The following AKAP9 variants were observed in gnomAD, a reference collection of about 807,000 sequenced individuals.
AKAP9 encodes A-kinase anchor protein 9.
Under a neutral mutation model 488.5 loss-of-function variants are expected in AKAP9, and 311 were observed. That is an observed-to-expected ratio of 0.64 (90% confidence interval 0.58 to 0.70). The LOEUF is 0.70. AKAP9 is among the 30% of genes least tolerant of loss of function. The pLI is 0.00. For missense variants in AKAP9, 4,215 were observed against 4,374.5 expected, an observed-to-expected ratio of 0.96 and a Z score of 1.03; for synonymous variants, 1,462 against 1,483.5, an observed-to-expected ratio of 0.99 and a Z score of 0.33.
chr7:92,099,094 A>C (rs1817115820), intron 43 of AKAP9, among the ~76,000 whole-genome samples: 1 of 152,184 alleles, frequency 6.6e-6, no homozygotes, highest in Non-Finnish European at 1.5e-5. Context: ...CCCAGTTTAG[A>C]AAGCTGAAAG....
rs115182566 is a variant in AKAP9, at chr7:92,075,579, G to T, written c.6613-1276G>T. On this transcript the variant is annotated intron_variant, in intron 28 of 49. Coordinates refer to ENST00000356239, the MANE Select transcript of AKAP9 (RefSeq NM_005751.5). The stretch of plus-strand genomic sequence containing the variant: ...GAAGATTCAGAGATAAACTCCTCAG[G>T]TTCAAAAGCTGGCTTCTCCACATAC... Among the ~76,000 whole-genome samples the T allele has an allele frequency of 9.7e-3, 1,482 of 152,266 alleles. 33 individuals are homozygous for T. The highest frequency in any genetic ancestry group is 0.034 in the African/African-American group (1,412 of 41,554).
At chr7:92,055,220 A>T (rs1417183305) in intron 22 of AKAP9, among the ~76,000 whole-genome samples, 3 of 152,074 alleles carry the variant, frequency 2.0e-5, no homozygotes, top group African/African-American at 7.2e-5. Context: ...ACATGCTTCT[A>T]TATTTTCTCA....
intron 39 of AKAP9, 82 bp downstream of exon 39, chr7:92,093,398 T>C: frequency 8.4e-7 from 1 of 1,187,702 alleles, no homozygotes; most frequent in Admixed American, 1.9e-5. Context: ...TATAGAGAAA[T>C]GTAACATGCA....
intron 1 of AKAP9, among the ~76,000 whole-genome samples, chr7:91,965,092 T>C (rs551076089): frequency 1.3e-5 from 2 of 152,324 alleles, no homozygotes; most frequent in Admixed American, 6.5e-5. Flanking sequence ...TAGTAGTTTT[T>C]TGTAAACTAT....
chr7:92,069,772 T>A (rs1233678930), intron 26 of AKAP9, among the ~76,000 whole-genome samples: 1 of 152,180 alleles, frequency 6.6e-6, no homozygotes, highest in Admixed American at 6.5e-5. Context: ...TCCCAGCTAC[T>A]CAGGAGGCTG....
chr7:92,000,263 A>G (rs1798984378), intron 7 of AKAP9, among the ~76,000 whole-genome samples: 1 of 152,208 alleles, frequency 6.6e-6, no homozygotes, highest in Non-Finnish European at 1.5e-5. Flanking sequence ...CTTAGATGTC[A>G]CTTGAGGTTC....
In AKAP9 at chr7:92,002,342, A is replaced by G. The variant is rs144615758; in HGVS notation, c.2425A>G (p.Ile809Val). Residue 809 changes from isoleucine to valine, a missense_variant, in exon 8 of 50, where the codon ATT becomes GTT. By Grantham distance (29) the Ile-to-Val change is conservative. This residue lies in a region of AKAP9 where 2,361 missense variants were observed against 2,430.0 expected (regional missense o/e 0.97). Transcript: ENST00000356239. Reference protein sequence around the residue: ...QEERLIFLDSIKSKSKDSVWE... With the variant: ...QEERLIFLDSVKSKSKDSVWE... ...AGAAAGATTGATTTTCTTAGACTCCATTAAGTCCAAATCCAAAGACTCTGT... is the reference window on the plus strand; with the variant it reads ...AGAAAGATTGATTTTCTTAGACTCCGTTAAGTCCAAATCCAAAGACTCTGT... 793 of 1,612,990 alleles carry G rather than the reference A, an allele frequency of 4.9e-4. 1 individual carries two copies. The African/African-American group carries it at 9.4e-3, about 19-fold the overall frequency.
intron 18 of AKAP9, chr7:92,041,614 T>G (rs1480006975): frequency 1.2e-5 from 2 of 161,102 alleles, no homozygotes; most frequent in Non-Finnish European, 2.7e-5. Flanking sequence ...TTATGAAAAC[T>G]TATTGAATTT....
At chr7:92,043,825 T>G (rs1347300808) in intron 20 of AKAP9, among the ~76,000 whole-genome samples, 1 of 152,214 alleles carries the variant, frequency 6.6e-6, no homozygotes, top group Non-Finnish European at 1.5e-5. Flanking sequence ...CAGGTATCCT[T>G]TAGCCTGATT....
chr7:92,076,832 T>C lies in AKAP9; in HGVS notation c.6613-23T>C, dbSNP rs765922547. ...AACGTTTGTATAAACATTTTTTCTCTTTTGATAATTTTGTTATTAAAGATT... is the reference window on the plus strand; with the variant it reads ...AACGTTTGTATAAACATTTTTTCTCCTTTGATAATTTTGTTATTAAAGATT... On this transcript the variant is annotated intron_variant, in intron 28 of 49. Coordinates refer to ENST00000356239, the MANE Select transcript of AKAP9 (RefSeq NM_005751.5). 6.0e-6 allele frequency: 8 copies of C among 1,344,364 alleles called. No homozygotes were observed. In the East Asian group the frequency reaches 9.5e-5, roughly 16 times the overall value. 83.3% of individuals were successfully genotyped at this position (1,344,364 alleles called of 1,614,324 possible). A position where few individuals can be genotyped will look rare whatever the true frequency, so the allele number is the denominator to read the frequency against.
chr7:92,061,613 T>TATATAG (rs1809842975), intron 23 of AKAP9, among the ~76,000 whole-genome samples, 191 bp downstream of exon 23: 1 of 120,148 alleles, frequency 8.3e-6, no homozygotes, highest in Non-Finnish European at 1.7e-5. Context: ...TATATATATA[T>TATATAG]ATATATAAAA....
At chr7:91,991,652 T>C (rs1023441763) in intron 3 of AKAP9, among the ~76,000 whole-genome samples, 4 of 151,746 alleles carry the variant, frequency 2.6e-5, no homozygotes, top group African/African-American at 9.7e-5. Context: ...TTTGTATTTT[T>C]AGTAGAGACG....
At chr7:92,051,937 A>G (rs1421829836) in intron 21 of AKAP9, among the ~76,000 whole-genome samples, 3 of 152,206 alleles carry the variant, frequency 2.0e-5, no homozygotes, top group African/African-American at 7.2e-5. Flanking sequence ...TATAGCTTAG[A>G]GAAAATACTT....
At chr7:92,063,009 TA>T (rs990545559) in intron 24 of AKAP9, among the ~76,000 whole-genome samples, 1 of 152,174 alleles carries the variant, frequency 6.6e-6, no homozygotes, top group African/African-American at 2.4e-5. Context: ...CATTTTTCCT[TA>T]AATAAGATAT....
chr7:92,060,441 A>G (rs1201123064), intron 22 of AKAP9, among the ~76,000 whole-genome samples: 1 of 152,184 alleles, frequency 6.6e-6, no homozygotes, highest in Non-Finnish European at 1.5e-5. Context: ...ATAACAGATA[A>G]GCAGGTGCTG....
Position 92,002,966 on chromosome 7 carries a change from AGCTCTTT to A in AKAP9, c.3050_3056del (p.Ser1017AsnfsTer2). 2 of 1,613,308 alleles carry A rather than the reference AGCTCTTT, an allele frequency of 1.2e-6. No homozygotes were observed. The highest frequency in any genetic ancestry group is 1.7e-6 in the Non-Finnish European group (2 of 1,179,584). On this transcript the variant is annotated frameshift_variant, in exon 8 of 50. Transcript: ENST00000356239. LOFTEE classifies it high-confidence loss of function. ...TGTACAGTCATGTGATACTCAAGTA[AGCTCTTT>A]ATTAGATGGAGTTGTGACCATGACA...
At chr7:92,109,985 A>G (rs1819102357) in intron 49 of AKAP9, 137 bp from the exon 50 acceptor site, 3 of 697,162 alleles carry the variant, frequency 4.3e-6, no homozygotes, top group Non-Finnish European at 7.7e-6. Flanking sequence ...TTAAGTATGA[A>G]GAGGACATTT....
chr7:92,085,013 A>G (rs913592626), intron 35 of AKAP9, 73 bp downstream of exon 35: 12 of 1,539,688 alleles, frequency 7.8e-6, no homozygotes, highest in African/African-American at 5.4e-5. Context: ...GTTCATTAGA[A>G]GTTATATGGT....
chr7:91,972,270 G>C (rs1420858947), intron 1 of AKAP9, among the ~76,000 whole-genome samples: 2 of 152,106 alleles, frequency 1.3e-5, no homozygotes, highest in East Asian at 1.9e-4. Flanking sequence ...AGGAATGGTA[G>C]TCTTGCCTTC....
Sources: allele counts gnomAD v4.1 joint callset (sites outside exome capture counted in the v4.1 genomes callset), GRCh38; gene constraint gnomAD v4.1.1; regional missense constraint gnomAD v4.1.1; transcripts MANE v1.5; gene names NCBI Gene and HGNC (gene_info 2026-07-23, HGNC 2026-07-21).